Variants in RIMS2 observed in about 807,000 individuals in gnomAD.
RIMS2 encodes regulating synaptic membrane exocytosis protein 2.
Under a neutral mutation model 174.4 loss-of-function variants are expected in RIMS2, and 59 were observed. The observed-to-expected ratio is 0.34, with a 90% CI of 0.27 to 0.42. The LOEUF (loss-of-function observed/expected upper bound fraction) is 0.42. Among genes scored for constraint, RIMS2 ranks in the 10% least tolerant of loss-of-function variants. The probability of loss-of-function intolerance (pLI) is 1.00; values close to 1 mark genes in which losing one functional copy is unlikely to be tolerated. For synonymous variants in RIMS2, 606 were observed against 572.5 expected (o/e 1.06, Z -0.84); for missense variants, 1,620 against 1,666.3 (o/e 0.97, Z 0.48).
intron 19 of RIMS2, among the ~76,000 whole-genome samples, chr8:104,084,887 T>A (rs1292844761): frequency 6.6e-6 from 1 of 152,208 alleles, no homozygotes; most frequent in Non-Finnish European, 1.5e-5. Flanking sequence ...TAAGATTGTG[T>A]AGCTCCTAGT....
At chr8:104,229,212 A>G (rs1387572132) in intron 19 of RIMS2, among the ~76,000 whole-genome samples, 2 of 152,168 alleles carry the variant, frequency 1.3e-5, no homozygotes, top group Non-Finnish European at 2.9e-5. Context: ...ACAGCATCCC[A>G]TTTCTTCCAA....
intron 4 of RIMS2, among the ~76,000 whole-genome samples, chr8:103,898,855 T>G (rs2099309798): frequency 6.6e-6 from 1 of 151,472 alleles, no homozygotes; most frequent in Admixed American, 6.6e-5. Context: ...GTATATCTCC[T>G]AATGCTATCC....
intron 1 of RIMS2, among the ~76,000 whole-genome samples, chr8:103,632,514 G>A (rs1422350957): frequency 3.3e-5 from 5 of 151,916 alleles, no homozygotes; most frequent in South Asian, 2.1e-4. Context: ...TCTGCCACCC[G>A]GGTTCAAGCG....
At chr8:103,933,120 G>A (rs1050780670) in intron 12 of RIMS2, among the ~76,000 whole-genome samples, 6 of 152,028 alleles carry the variant, frequency 3.9e-5, no homozygotes, top group Admixed American at 1.3e-4. Flanking sequence ...GTGAAACCCC[G>A]TCTCTACTAA....
intron 3 of RIMS2, among the ~76,000 whole-genome samples, chr8:103,853,243 T>C (rs527470334): frequency 1.2e-4 from 18 of 152,208 alleles, no homozygotes; most frequent in Admixed American, 3.3e-4. Context: ...GAAGTGTCTG[T>C]TCATGTCCTT....
intron 19 of RIMS2, among the ~76,000 whole-genome samples, chr8:104,016,003 A>C (rs956541001): frequency 1.3e-5 from 2 of 152,208 alleles, no homozygotes; most frequent in African/African-American, 4.8e-5. Flanking sequence ...AATATGATAT[A>C]GTTTTATTAT....
chr8:104,242,450 A>G (rs1458170551), intron 19 of RIMS2, among the ~76,000 whole-genome samples: 2 of 152,172 alleles, frequency 1.3e-5, no homozygotes, highest in Non-Finnish European at 2.9e-5. Context: ...TGTTTTGCAT[A>G]TAGGGTTTCT....
intron 1 of RIMS2, among the ~76,000 whole-genome samples, chr8:103,566,903 G>A (rs1477046291): frequency 6.6e-6 from 1 of 152,082 alleles, no homozygotes; most frequent in Non-Finnish European, 1.5e-5. Flanking sequence ...TATTCTCAGA[G>A]CGGTGCAACT....
intron 1 of RIMS2, 121 bp from the exon 4 acceptor site, chr8:103,696,965 C>G: frequency 1.8e-6 from 1 of 563,382 alleles, no homozygotes. Flanking sequence ...ATTAAATTTT[C>G]ATTCTTTTTA....
chr8:104,037,761 A>G (rs1451302396), intron 19 of RIMS2, among the ~76,000 whole-genome samples: 3 of 152,164 alleles, frequency 2.0e-5, no homozygotes, highest in African/African-American at 7.2e-5. Context: ...TATATTACCA[A>G]ATATGCTTGA....
chr8:104,124,122 G>A (rs546396145), intron 19 of RIMS2, among the ~76,000 whole-genome samples: 17 of 152,146 alleles, frequency 1.1e-4, no homozygotes, highest in African/African-American at 3.6e-4. Flanking sequence ...CTATATATGA[G>A]AGAAAAACAA....
At chr8:104,185,793 G>C (rs993496849) in intron 19 of RIMS2, among the ~76,000 whole-genome samples, 7 of 151,296 alleles carry the variant, frequency 4.6e-5, no homozygotes, top group African/African-American at 1.7e-4. Context: ...AATGTAAATT[G>C]GTAAAATCAC....
intron 11 of RIMS2, among the ~76,000 whole-genome samples, chr8:103,929,461 AATT>A (rs1051003697): frequency 1.3e-5 from 2 of 151,838 alleles, no homozygotes; most frequent in African/African-American, 2.4e-5. Flanking sequence ...GTCTCATAAT[AATT>A]ATTATTTGTT....
chr8:103,910,566 A>G (rs1026027992), intron 5 of RIMS2, 37 bp downstream of exon 8: 3 of 1,294,922 alleles, frequency 2.3e-6, no homozygotes, highest in African/African-American at 2.9e-5. Flanking sequence ...TAACCTGCTC[A>G]TTTGGTCTTC....
chr8:104,201,296 C>T (rs1202873470), intron 19 of RIMS2, among the ~76,000 whole-genome samples: 1 of 152,102 alleles, frequency 6.6e-6, no homozygotes, highest in Admixed American at 6.6e-5. Flanking sequence ...TTTTTAATTG[C>T]TGCATAGAAT....
chr8:103,575,209 C>T (rs550740983), intron 1 of RIMS2, among the ~76,000 whole-genome samples: 36 of 152,220 alleles, frequency 2.4e-4, no homozygotes, highest in African/African-American at 8.2e-4. Flanking sequence ...CTTCATTAGT[C>T]GCAGTGGGAA....
intron 1 of RIMS2, among the ~76,000 whole-genome samples, chr8:103,590,017 A>G (rs2094169582): frequency 6.6e-6 from 1 of 151,348 alleles, no homozygotes; most frequent in Non-Finnish European, 1.5e-5. Flanking sequence ...CTACTATTTT[A>G]TGCACAACGT....
chr8:103,514,711 G>T (rs553859474), intron 1 of RIMS2, among the ~76,000 whole-genome samples: 13 of 152,102 alleles, frequency 8.5e-5, no homozygotes, highest in Admixed American at 3.3e-4. Flanking sequence ...CACCATTGAC[G>T]AGAAACTCTT....
At chr8:103,795,417 A>C (rs1174607112) in intron 3 of RIMS2, among the ~76,000 whole-genome samples, 2 of 143,070 alleles carry the variant, frequency 1.4e-5, no homozygotes, top group Non-Finnish European at 1.5e-5. Flanking sequence ...GGAACATCAC[A>C]CACTGGGGCA....
Sources: gnomAD v4.1 joint callset for allele counts (sites outside exome capture counted in the v4.1 genomes callset) on GRCh38, gnomAD v4.1.1 for gene constraint, MANE v1.5 for transcripts, NCBI Gene and HGNC (gene_info 2026-07-23, HGNC 2026-07-21) for gene names.